Variants in LIN7A observed in about 807,000 individuals in gnomAD.
LIN7A encodes the protein lin-7 cell polarity scaffold A.
In LIN7A, 25 loss-of-function variants were observed where a neutral mutation model predicts 29.8. The ratio of observed to expected loss-of-function variants is 0.84; its 90% CI spans 0.61 to 1.17. The LOEUF (loss-of-function observed/expected upper bound fraction) is 1.17, where lower values mean the gene tolerates loss of function less well. LIN7A is among the 50% of genes most tolerant of loss of function. LIN7A has a pLI of 0.00. For synonymous variants in LIN7A, 118 were observed against 107.5 expected (o/e 1.10, Z -0.60); for missense variants, 239 against 287.0 (o/e 0.83, Z 1.21).
intron 1 of LIN7A, among the ~76,000 whole-genome samples, chr12:80,903,761 C>G (rs981839319): frequency 2.0e-5 from 3 of 151,952 alleles, no homozygotes; most frequent in Non-Finnish European, 4.4e-5. Flanking sequence ...TGAGGAATCT[C>G]TATACTGTTT....
intron 4 of LIN7A, among the ~76,000 whole-genome samples, chr12:80,813,605 C>T (rs996993710): frequency 6.6e-6 from 1 of 152,100 alleles, no homozygotes. Flanking sequence ...GTCTTTTGAA[C>T]ATCATGGCGT....
intron 4 of LIN7A, among the ~76,000 whole-genome samples, chr12:80,829,188 C>G (rs897408318): frequency 2.0e-5 from 3 of 152,214 alleles, no homozygotes; most frequent in African/African-American, 7.2e-5. Flanking sequence ...AAGCAAAAAT[C>G]CCTACAACTA....
At chr12:80,926,235 T>A (rs533471469) in intron 1 of LIN7A, among the ~76,000 whole-genome samples, 4 of 152,244 alleles carry the variant, frequency 2.6e-5, no homozygotes, top group Admixed American at 1.3e-4. Context: ...TAACAGAGAA[T>A]CTATCTTGTT....
chr12:80,850,475 G>A (rs907050064), intron 2 of LIN7A, among the ~76,000 whole-genome samples: 10 of 152,084 alleles, frequency 6.6e-5, no homozygotes, highest in South Asian at 2.1e-4. Context: ...TGAGCAGTTC[G>A]TGAACACTGT....
chr12:80,930,147 G>A (rs1295701345), intron 1 of LIN7A, among the ~76,000 whole-genome samples: 2 of 152,080 alleles, frequency 1.3e-5, no homozygotes, highest in East Asian at 3.9e-4. Context: ...GTTAGACTTG[G>A]ACTAGCTATA....
At chr12:80,874,750 G>A (rs964166763) in intron 2 of LIN7A, among the ~76,000 whole-genome samples, 2 of 152,192 alleles carry the variant, frequency 1.3e-5, no homozygotes, top group African/African-American at 4.8e-5. Context: ...TTGGGAGACT[G>A]AGGCAGGCGG....
intron 2 of LIN7A, among the ~76,000 whole-genome samples, chr12:80,859,138 T>G (rs1592901894): frequency 1.3e-5 from 2 of 152,316 alleles, no homozygotes; most frequent in South Asian, 2.1e-4. Flanking sequence ...TTAAGTGTGT[T>G]CCATATAATA....
chr12:80,809,110 C>A (rs921727661), intron 5 of LIN7A, among the ~76,000 whole-genome samples: 2 of 151,828 alleles, frequency 1.3e-5, no homozygotes, highest in African/African-American at 4.8e-5. Flanking sequence ...CTCAGCCTCC[C>A]AAGTAGCTGG....
intron 4 of LIN7A, among the ~76,000 whole-genome samples, chr12:80,825,073 G>A (rs916500060): frequency 2.0e-4 from 31 of 152,116 alleles, no homozygotes; most frequent in African/African-American, 7.0e-4. Flanking sequence ...AAACTGCTGC[G>A]ATTTGCTGAT....
At chr12:80,803,311 G>T (rs759359872) in intron 5 of LIN7A, among the ~76,000 whole-genome samples, 23 of 152,158 alleles carry the variant, frequency 1.5e-4, no homozygotes, top group Non-Finnish European at 2.9e-4. Context: ...TTGTTATGGG[G>T]TGAGATAAGG....
At chr12:80,828,801 G>GT (rs1555222947) in intron 4 of LIN7A, among the ~76,000 whole-genome samples, 2 of 151,210 alleles carry the variant, frequency 1.3e-5, no homozygotes, top group East Asian at 3.9e-4. Context: ...ATAAATGTGG[G>GT]GTGTGTGTGT....
At chr12:80,890,263 C>A (rs761771536) in intron 1 of LIN7A, among the ~76,000 whole-genome samples, 57 of 152,100 alleles carry the variant, frequency 3.7e-4, no homozygotes, top group Non-Finnish European at 3.4e-4. Context: ...ATCTCTTCTA[C>A]CCTTGTCACT....
At chr12:80,877,964 T>C (rs1351210356) in intron 2 of LIN7A, among the ~76,000 whole-genome samples, 1 of 152,160 alleles carries the variant, frequency 6.6e-6, no homozygotes, top group Non-Finnish European at 1.5e-5. Flanking sequence ...GTTCACTCTA[T>C]CTGACTGATA....
chr12:80,927,065 G>A (rs188739120), intron 1 of LIN7A, among the ~76,000 whole-genome samples: 26 of 150,424 alleles, frequency 1.7e-4, no homozygotes, highest in African/African-American at 6.3e-4. Flanking sequence ...TTCATCACAT[G>A]CCTTTATCAA....
chr12:80,917,297 C>T (rs1877073599), intron 1 of LIN7A, among the ~76,000 whole-genome samples: 1 of 152,116 alleles, frequency 6.6e-6, no homozygotes, highest in Non-Finnish European at 1.5e-5. Context: ...ACCCATCAGG[C>T]CAGCCATATT....
chr12:80,866,785 T>G (rs1396794337), intron 2 of LIN7A, among the ~76,000 whole-genome samples: 1 of 152,120 alleles, frequency 6.6e-6, no homozygotes, highest in Non-Finnish European at 1.5e-5. Context: ...TCAGAGACCA[T>G]TTTTTCATGA....
At chr12:80,886,134 A>T in intron 2 of LIN7A, among the ~76,000 whole-genome samples, 1 of 152,100 alleles carries the variant, frequency 6.6e-6, no homozygotes, top group East Asian at 1.9e-4. Context: ...TAACTAGCAA[A>T]TATTTCTGAA....
intron 1 of LIN7A, among the ~76,000 whole-genome samples, chr12:80,903,171 T>G (rs10746172): frequency 0.68 from 103,172 of 151,642 alleles, 39,025 homozygotes; most frequent in Non-Finnish European, 0.87. Context: ...TAAAAACCAA[T>G]TGGAGTACTC....
At chr12:80,889,445 T>G (rs924763906) in intron 1 of LIN7A, 76 bp from the exon 2 acceptor site, 2 of 896,350 alleles carry the variant, frequency 2.2e-6, no homozygotes, top group African/African-American at 3.4e-5. Context: ...ATTATTCCAG[T>G]TGGATGATGA....
Sources: gnomAD v4.1 joint callset for allele counts (sites outside exome capture counted in the v4.1 genomes callset) on GRCh38, gnomAD v4.1.1 for gene constraint, MANE v1.5 for transcripts, NCBI Gene and HGNC (gene_info 2026-07-23, HGNC 2026-07-21) for gene names.